TANGO6: variants seen among roughly 807,000 people sequenced by gnomAD.
TANGO6 encodes the protein transport and Golgi organization protein 6 homolog.
A neutral mutation model predicts 114.2 loss-of-function variants in TANGO6; 90 were observed. The observed-to-expected ratio is 0.79, with a 90% CI of 0.66 to 0.94. The LOEUF is 0.94. TANGO6 is among the 40% of genes least tolerant of loss of function. The pLI is 0.00. For synonymous variants in TANGO6, 477 were observed against 509.8 expected, an observed-to-expected ratio of 0.94 and a Z score of 0.87; for missense variants, 1,274 against 1,315.3, an observed-to-expected ratio of 0.97 and a Z score of 0.49.
chr16:68,895,927 CT>C (rs1452998205), intron 7 of TANGO6, among the ~76,000 whole-genome samples: 1 of 151,790 alleles, frequency 6.6e-6, no homozygotes, highest in East Asian at 1.9e-4. Context: ...TAGTCCAAAA[CT>C]TTTTAATTTT....
chr16:68,885,247 T>C (rs1327255955), intron 7 of TANGO6, among the ~76,000 whole-genome samples: 1 of 152,206 alleles, frequency 6.6e-6, no homozygotes, highest in African/African-American at 2.4e-5. Flanking sequence ...CATTTCCAGC[T>C]CTTTTTTTCT....
At chr16:68,877,980 A>C (rs949768043) in intron 5 of TANGO6, 138 bp from the exon 6 acceptor site, 3 of 707,178 alleles carry the variant, frequency 4.2e-6, no homozygotes, top group South Asian at 5.4e-5. Context: ...GGGTATGTTA[A>C]ATTAAAAGAA....
At chr16:68,961,624 A>T (rs1963592125) in intron 14 of TANGO6, among the ~76,000 whole-genome samples, 1 of 152,220 alleles carries the variant, frequency 6.6e-6, no homozygotes, top group African/African-American at 2.4e-5. Context: ...GTAAATATAG[A>T]TTATTCACGT....
intron 17 of TANGO6, among the ~76,000 whole-genome samples, chr16:69,082,418 A>G (rs533955434): frequency 6.6e-6 from 1 of 151,994 alleles, no homozygotes; most frequent in Non-Finnish European, 1.5e-5. Context: ...ACAGATTTTT[A>G]AAGTAGGGGC....
intron 4 of TANGO6, chr16:68,867,513 T>C (rs1962196817): frequency 1.1e-5 from 3 of 274,152 alleles, no homozygotes; most frequent in Non-Finnish European, 2.1e-5. Context: ...ACACAGAAAA[T>C]TGAAGTAAAA....
At chr16:69,036,971 A>G (rs1342956956) in intron 16 of TANGO6, among the ~76,000 whole-genome samples, 1 of 151,612 alleles carries the variant, frequency 6.6e-6, no homozygotes, top group Non-Finnish European at 1.5e-5. Context: ...TCACAGAAAA[A>G]AAAAAGAAAA....
chr16:69,014,250 C>A (rs1401867753), intron 15 of TANGO6, among the ~76,000 whole-genome samples: 1 of 152,140 alleles, frequency 6.6e-6, no homozygotes, highest in Admixed American at 6.5e-5. Flanking sequence ...TGGGCCTTAT[C>A]CTTTAGTTCC....
At chr16:69,083,140 G>C (rs1422697407) in intron 17 of TANGO6, among the ~76,000 whole-genome samples, 1 of 131,476 alleles carries the variant, frequency 7.6e-6, no homozygotes, top group Non-Finnish European at 1.6e-5. Context: ...GCTCACTTTA[G>C]CCTTGACCTC....
chr16:69,082,674 G>A (rs1290899415), intron 17 of TANGO6, among the ~76,000 whole-genome samples: 2 of 152,114 alleles, frequency 1.3e-5, no homozygotes, highest in Admixed American at 6.5e-5. Flanking sequence ...GAACCCTGGA[G>A]GCAGAGGTTA....
At chr16:68,972,082 A>C (rs1963711622) in intron 14 of TANGO6, among the ~76,000 whole-genome samples, 1 of 152,032 alleles carries the variant, frequency 6.6e-6, no homozygotes, top group Non-Finnish European at 1.5e-5. Context: ...ATCTCTCTTA[A>C]GAGCAGAGCT....
intron 15 of TANGO6, among the ~76,000 whole-genome samples, chr16:69,003,751 T>C (rs1292165916): frequency 6.6e-6 from 1 of 152,178 alleles, no homozygotes; most frequent in Non-Finnish European, 1.5e-5. Context: ...TGCTTGGACC[T>C]TTTGACTTGT....
At chr16:68,872,847 C>T (rs1313687800) in intron 4 of TANGO6, among the ~76,000 whole-genome samples, 1 of 151,454 alleles carries the variant, frequency 6.6e-6, no homozygotes, top group Non-Finnish European at 1.5e-5. Context: ...CAGGTTTGTG[C>T]CACCACACCC....
chr16:68,974,252 G>A (rs886140060), intron 15 of TANGO6, 84 bp downstream of exon 15: 1 of 1,524,572 alleles, frequency 6.6e-7, no homozygotes, highest in African/African-American at 1.4e-5. Context: ...CTGGGGGCTT[G>A]TTACACTAGT....
intron 14 of TANGO6, among the ~76,000 whole-genome samples, chr16:68,934,430 A>G (rs757147473): frequency 6.6e-6 from 1 of 152,170 alleles, no homozygotes; most frequent in Admixed American, 6.6e-5. Flanking sequence ...ATTAGGTTCA[A>G]AAGCAAAAAG....
intron 15 of TANGO6, among the ~76,000 whole-genome samples, chr16:69,001,386 T>C (rs1964040977): frequency 6.6e-6 from 1 of 152,234 alleles, no homozygotes; most frequent in East Asian, 1.9e-4. Context: ...CCTTTATTTT[T>C]AAAAGATTAT....
intron 14 of TANGO6, among the ~76,000 whole-genome samples, chr16:68,934,738 G>T (rs910859712): frequency 6.6e-6 from 1 of 152,138 alleles, no homozygotes; most frequent in African/African-American, 2.4e-5. Flanking sequence ...TCAAGGAGAT[G>T]TTTTTCATTG....
rs1470187608 is a variant in TANGO6, at chr16:68,952,657, T to C, written c.2702-21371T>C. On this transcript the variant is annotated intron_variant, in intron 14 of 17. Transcript: ENST00000261778. ...GGCAGTGGTGGAAGGTAAACTTAAATGGTGTCTGTACAGTTTGGGCAACAC... is the reference window on the plus strand; with the variant it reads ...GGCAGTGGTGGAAGGTAAACTTAAACGGTGTCTGTACAGTTTGGGCAACAC... Among the ~76,000 whole-genome samples the C allele has an allele frequency of 2.0e-5, 3 of 152,218 alleles. No individual in the cohort carries two copies. In the East Asian group the frequency reaches 5.8e-4, roughly 29 times the overall value.
intron 1 of TANGO6, among the ~76,000 whole-genome samples, chr16:68,845,923 A>C (rs528716677): frequency 2.1e-4 from 32 of 150,666 alleles, no homozygotes; most frequent in Non-Finnish European, 4.6e-4. Flanking sequence ...CATGATCTTG[A>C]CACACCGGAA....
chr16:68,880,688 A>T, intron 7 of TANGO6, 58 bp downstream of exon 7: 11 of 1,372,626 alleles, frequency 8.0e-6, no homozygotes, highest in Middle Eastern at 2.5e-4. Context: ...TTTTTTTTAA[A>T]TTTTTTCTTT....
Sources: allele counts gnomAD v4.1 joint callset (sites outside exome capture counted in the v4.1 genomes callset), GRCh38; gene constraint gnomAD v4.1.1; transcripts MANE v1.5; gene names NCBI Gene and HGNC (gene_info 2026-07-23, HGNC 2026-07-21).